The following INPP5A variants were observed in gnomAD, a reference collection of about 807,000 sequenced individuals.
INPP5A encodes the protein 43 kDa inositol polyphosphate 5-phophatase.
INPP5A carries 14 observed loss-of-function variants against 65.2 expected under a neutral mutation model. That is an observed-to-expected ratio of 0.21 (90% CI 0.14 to 0.34). The LOEUF is 0.34. Ranked by LOEUF, INPP5A falls within the 10% of genes least tolerant of loss-of-function variation. INPP5A has a pLI of 1.00. For synonymous variants in INPP5A, 207 were observed against 208.3 expected, an observed-to-expected ratio of 0.99 and a Z score of 0.05; for missense variants, 431 against 545.6, an observed-to-expected ratio of 0.79 and a Z score of 2.09.
At chr10:132,560,251 G>T (rs896212905) in intron 1 of INPP5A, among the ~76,000 whole-genome samples, 17 of 146,146 alleles carry the variant, frequency 1.2e-4, no homozygotes, top group Admixed American at 6.8e-5. Context: ...GGAATTGCTG[G>T]GTCACGATGT....
At chr10:132,561,165 T>A (rs1293085681) in intron 1 of INPP5A, among the ~76,000 whole-genome samples, 1 of 151,338 alleles carries the variant, frequency 6.6e-6, no homozygotes, top group Non-Finnish European at 1.5e-5. Flanking sequence ...TGGGCTCCAG[T>A]GATCCTCCCA....
intron 12 of INPP5A, among the ~76,000 whole-genome samples, chr10:132,766,102 G>A (rs769100769): frequency 6.6e-6 from 1 of 151,842 alleles, no homozygotes; most frequent in Non-Finnish European, 1.5e-5. Flanking sequence ...GTGTGCACGA[G>A]TGCATCTGTG....
At position 132,663,220 on chromosome 10, in the gene INPP5A, G is replaced by T. The variant is rs962194112; in HGVS notation, c.306+12715G>T. 6.6e-6 allele frequency among the ~76,000 whole-genome samples: 1 copy of T among 152,134 alleles called. No individual in the cohort carries two copies. The highest frequency in any genetic ancestry group is 2.1e-4 in the South Asian group (1 of 4,828). Reference sequence around the variant, plus strand: ...ATAAAATTGAAAAGACTTTCTTCTCGTTAAATCTTATTTTATTTTGACACA... The same window carrying T: ...ATAAAATTGAAAAGACTTTCTTCTCTTTAAATCTTATTTTATTTTGACACA... On this transcript the variant is annotated intron_variant, in intron 4 of 15. Coordinates refer to ENST00000368594, the MANE Select transcript of INPP5A (RefSeq NM_005539.5). The surrounding 1 kb of genome is among the most constrained non-coding windows in gnomAD (Gnocchi z 4.5).
chr10:132,726,747 A>G, intron 8 of INPP5A, 74 bp from the exon 9 acceptor site: 3 of 1,015,954 alleles, frequency 3.0e-6, no homozygotes, highest in Non-Finnish European at 4.5e-6. Context: ...GGGAGCGTGG[A>G]GGAGCACCGG....
intron 8 of INPP5A, among the ~76,000 whole-genome samples, chr10:132,721,774 T>C (rs1845888349): frequency 1.3e-5 from 2 of 151,978 alleles, no homozygotes; most frequent in Admixed American, 1.3e-4. Flanking sequence ...TCTGGGCACC[T>C]GAGACGGCTG....
At chr10:132,642,668 A>G (rs1233863110) in intron 2 of INPP5A, among the ~76,000 whole-genome samples, 1 of 152,158 alleles carries the variant, frequency 6.6e-6, no homozygotes, top group Non-Finnish European at 1.5e-5. Flanking sequence ...TGAGGAGCTC[A>G]TCCATGTCAC....
intron 8 of INPP5A, among the ~76,000 whole-genome samples, chr10:132,723,148 A>T (rs574840340): frequency 8.5e-5 from 13 of 152,340 alleles, no homozygotes; most frequent in African/African-American, 3.1e-4. Flanking sequence ...TCCAGACAGG[A>T]CGATGACGCG....
At chr10:132,564,025 G>A (rs932983384) in intron 1 of INPP5A, among the ~76,000 whole-genome samples, 1 of 152,124 alleles carries the variant, frequency 6.6e-6, no homozygotes, top group Non-Finnish European at 1.5e-5. Context: ...AAGCCATTTC[G>A]GCATCTTTTA....
chr10:132,556,917 T>C (rs1275680364), intron 1 of INPP5A, among the ~76,000 whole-genome samples: 1 of 152,222 alleles, frequency 6.6e-6, no homozygotes, highest in African/African-American at 2.4e-5. Flanking sequence ...TTGTGCTCCC[T>C]GATGCTGAGT....
At chr10:132,559,595 G>A (rs537580086) in intron 1 of INPP5A, among the ~76,000 whole-genome samples, 1 of 152,128 alleles carries the variant, frequency 6.6e-6, no homozygotes, top group East Asian at 1.9e-4. Flanking sequence ...TGTGGCCTTC[G>A]CATCGTACTT....
chr10:132,754,893 G>T (rs1456217644), intron 11 of INPP5A, among the ~76,000 whole-genome samples: 2 of 152,248 alleles, frequency 1.3e-5, no homozygotes, highest in Non-Finnish European at 2.9e-5. Flanking sequence ...GTGTGAGCAG[G>T]CATATGCATG....
rs949339953 is a variant in INPP5A at position 132,575,535 on chromosome 10, G to C, written c.76-32380G>C. ...AATCATTTGGAAACTGGTGAAAAGG[G>C]GAAAGCAATGAGCACTATCCTACTT... On this transcript the variant is annotated intron_variant, in intron 1 of 15. Transcript: ENST00000368594. This position sits in a 1 kb window ranked among gnomAD's most constrained non-coding sequence, Gnocchi z 5.4. Among the ~76,000 whole-genome samples, 1 of 152,078 alleles carries C rather than the reference G, an allele frequency of 6.6e-6. No homozygotes were observed. The highest frequency in any genetic ancestry group is 2.4e-5 in the African/African-American group (1 of 41,408).
Position 132,697,653 on chromosome 10 carries a change from C to T in INPP5A, c.371-163C>T, listed in dbSNP as rs766507661. Among the ~76,000 whole-genome samples the T allele has an allele frequency of 2.0e-5, 3 of 151,954 alleles. No homozygotes were observed. Among genetic ancestry groups the T allele is most frequent in the African/African-American group, 2.4e-5 (1 of 41,346 alleles). ...AGCCACAGGCATGGAGTAGCCGGCC[C>T]GCTGGGGGTCTGTTCTGGGTCGGAC... On this transcript the variant is annotated intron_variant, in intron 5 of 15. Transcript: ENST00000368594. This position sits in a 1 kb window ranked among gnomAD's most constrained non-coding sequence, Gnocchi z 5.6.
chr10:132,629,492 C>A (rs1208453315), intron 2 of INPP5A, among the ~76,000 whole-genome samples: 6 of 152,182 alleles, frequency 3.9e-5, no homozygotes, highest in Admixed American at 3.9e-4. Flanking sequence ...GCATGCATAG[C>A]GGAAGATTGG....
intron 14 of INPP5A, among the ~76,000 whole-genome samples, chr10:132,781,387 G>A (rs1025703718): frequency 1.3e-5 from 2 of 152,174 alleles, no homozygotes; most frequent in Non-Finnish European, 1.5e-5. Flanking sequence ...CACCTCGAGA[G>A]TGTGCACAGG....
At chr10:132,715,256 T>C (rs1046020521) in intron 8 of INPP5A, among the ~76,000 whole-genome samples, 2 of 152,200 alleles carry the variant, frequency 1.3e-5, no homozygotes, top group Non-Finnish European at 2.9e-5. Flanking sequence ...CCCTCTGAAA[T>C]GTGGCCTGGG....
chr10:132,766,303 T>TC (rs1421364154), intron 12 of INPP5A, among the ~76,000 whole-genome samples: 1 of 152,262 alleles, frequency 6.6e-6, no homozygotes, highest in African/African-American at 2.4e-5. Context: ...GTTATCTTTT[T>TC]CCAAAAAAGG....
chr10:132,656,747 G>A (rs2072661899), intron 4 of INPP5A, among the ~76,000 whole-genome samples: 1 of 152,232 alleles, frequency 6.6e-6, no homozygotes, highest in Non-Finnish European at 1.5e-5. Context: ...TTTTTCACAT[G>A]CAGCAGCTGG....
At chr10:132,662,592 G>A (rs182323464) in intron 4 of INPP5A, among the ~76,000 whole-genome samples, 1 of 152,312 alleles carries the variant, frequency 6.6e-6, no homozygotes, top group East Asian at 1.9e-4. Context: ...CGGGGAAGGG[G>A]TTGTGGTGGG....
Sources: gnomAD v4.1 joint callset for allele counts (sites outside exome capture counted in the v4.1 genomes callset) on GRCh38, gnomAD v4.1.1 for gene constraint, Gnocchi (gnomAD v3.1) non-coding constraint, MANE v1.5 for transcripts, NCBI Gene and HGNC (gene_info 2026-07-23, HGNC 2026-07-21) for gene names.